Variants in PRKAB1 observed in about 807,000 individuals in gnomAD.
The protein encoded by PRKAB1 is 5'-AMP-activated protein kinase subunit beta-1.
A neutral mutation model predicts 32.0 loss-of-function variants in PRKAB1; 18 were observed. The ratio of observed to expected loss-of-function variants is 0.56; its 90% CI spans 0.39 to 0.83. The LOEUF is 0.83. Among genes scored for constraint, PRKAB1 ranks in the 40% least tolerant of loss-of-function variants. The pLI, the probability that PRKAB1 is intolerant of heterozygous loss-of-function variation, is 0.00. For missense variants in PRKAB1, 263 were observed against 352.6 expected, an observed-to-expected ratio of 0.75 and a Z score of 2.03; for synonymous variants, 141 against 141.4, an observed-to-expected ratio of 1.00 and a Z score of 0.02.
chr12:119,676,172 T>C (rs1955422553), intron 4 of PRKAB1, among the ~76,000 whole-genome samples: 1 of 152,166 alleles, frequency 6.6e-6, no homozygotes, highest in African/African-American at 2.4e-5. Context: ...TCACTTAGCC[T>C]CCAGCTTCTT....
Position 119,674,088 on chromosome 12 carries a change from G to T in PRKAB1, c.417+31G>T. On this transcript the variant is annotated intron_variant, in intron 3 of 6. Transcript: ENST00000229328. The surrounding 1 kb of genome is among the most constrained non-coding windows in gnomAD (Gnocchi z 4.3). Reference sequence around the variant, plus strand: ...CTTCCTCCCACCTCTGGTCCTCTGGGTGCCCGCACATTCCAAACAAATCAC... The same window carrying T: ...CTTCCTCCCACCTCTGGTCCTCTGGTTGCCCGCACATTCCAAACAAATCAC... The T allele has an allele frequency of 6.3e-7, 1 of 1,585,244 alleles. No homozygotes were observed.
chr12:119,672,614 T>C, intron 2 of PRKAB1, 150 bp downstream of exon 2: 1 of 814,372 alleles, frequency 1.2e-6, no homozygotes, highest in East Asian at 3.1e-5. Flanking sequence ...AAGGTTCAAA[T>C]GTTAAACCTT....
Position 119,674,259 on chromosome 12 carries a change from C to A in PRKAB1, c.418-81C>A. 8.1e-7 allele frequency: 1 copy of A among 1,238,254 alleles called. No homozygotes were observed. Among genetic ancestry groups the A allele is most frequent in the Non-Finnish European group, 1.2e-6 (1 of 860,848 alleles). The allele number at this position is 1,238,254 out of a possible 1,614,324, so 76.7% of individuals were successfully genotyped here. A position where few individuals can be genotyped will look rare whatever the true frequency, so the allele number is the denominator to read the frequency against. ...TGGCTAGCCAGGAGATGAGGCCTTC[C>A]AGCCAGGAATTCCAAGTCCTCTGAA... On this transcript the variant is annotated intron_variant, in intron 3 of 6. Coordinates refer to ENST00000229328, the MANE Select transcript of PRKAB1 (RefSeq NM_006253.5). The surrounding 1 kb of genome is among the most constrained non-coding windows in gnomAD (Gnocchi z 4.3).
Position 119,674,316 on chromosome 12 carries a change from T to C in PRKAB1, c.418-24T>C, listed in dbSNP as rs754320368. The C allele has an allele frequency of 9.1e-6, 14 of 1,546,906 alleles. No individual in the cohort carries two copies. The highest frequency in any genetic ancestry group is 1.4e-5 in the African/African-American group (1 of 73,412). On this transcript the variant is annotated intron_variant, in intron 3 of 6. Transcript: ENST00000229328. This position sits in a 1 kb window ranked among gnomAD's most constrained non-coding sequence, Gnocchi z 4.3. ...CTCCGCAGACCTTCCACGTTATGATTTCTGCCTATCTGTCTCTTCCCAGCC... is the reference window on the plus strand; with the variant it reads ...CTCCGCAGACCTTCCACGTTATGATCTCTGCCTATCTGTCTCTTCCCAGCC...
At chr12:119,671,823 A>G (rs1322052256) in intron 1 of PRKAB1, among the ~76,000 whole-genome samples, 1 of 152,224 alleles carries the variant, frequency 6.6e-6, no homozygotes, top group Non-Finnish European at 1.5e-5. Context: ...GTGTACTTAA[A>G]TGTATCTAAA....
chr12:119,668,075 C>G, upstream of PRKAB1: 1 of 815,116 alleles, frequency 1.2e-6, no homozygotes, highest in African/African-American at 1.8e-5. Flanking sequence ...GCTCGGCAAC[C>G]CTGCCGACTC....
chr12:119,672,489 T>C, intron 2 of PRKAB1, 25 bp downstream of exon 2: 1 of 1,487,272 alleles, frequency 6.7e-7, no homozygotes, highest in South Asian at 1.4e-5. Context: ...AGTGTTCACA[T>C]ATTTGTCTTA....
chr12:119,679,817 A>G lies in PRKAB1; in HGVS notation c.667-116A>G. The G allele has an allele frequency of 9.0e-7, 1 of 1,115,130 alleles. No individual in the cohort carries two copies. Among genetic ancestry groups the G allele is most frequent in the Non-Finnish European group, 1.4e-6 (1 of 735,758 alleles). 69.1% of individuals were successfully genotyped at this position (1,115,130 alleles called of 1,614,324 possible). A position where few individuals can be genotyped will look rare whatever the true frequency, so the allele number is the denominator to read the frequency against. ...AGCCCTTGCGCTGCCTGATTTGGGA[A>G]GAGAGGTCGGCCTGAGCGCTGCCTC... On this transcript the variant is annotated intron_variant, in intron 5 of 6. Transcript: ENST00000229328. This position sits in a 1 kb window ranked among gnomAD's most constrained non-coding sequence, Gnocchi z 4.1.
rs894985967 is a variant in PRKAB1 at position 119,679,444 on chromosome 12, G to T, written c.667-489G>T. ...CTCTTAAAACATAGGAAGGTGCGGC[G>T]GGCAGCTCTGAGTGCCAGCCCGGTG... is the stretch of plus-strand genomic sequence containing the variant. On this transcript the variant is annotated intron_variant, in intron 5 of 6. Transcript: ENST00000229328. The surrounding 1 kb of genome is among the most constrained non-coding windows in gnomAD (Gnocchi z 4.1). 2.4e-5 allele frequency: 4 copies of T among 166,914 alleles called. No individual in the cohort carries two copies. Among genetic ancestry groups the T allele is most frequent in the Non-Finnish European group, 3.9e-5 (3 of 76,916 alleles). 10.3% of individuals were successfully genotyped at this position (166,914 alleles called of 1,614,324 possible).
In PRKAB1 at chr12:119,675,827, G is replaced by A. The variant is rs189085984; in HGVS notation, c.533-710G>A. Among the ~76,000 whole-genome samples the A allele has an allele frequency of 1.2e-4, 18 of 152,276 alleles. No homozygotes were observed. In the South Asian group the frequency reaches 2.3e-3, roughly 19 times the overall value. ...CCCTGGACCAGTCCCAGGATCTGGC[G>A]ACCAGAACCATCCCACGCGTTCTTT... On this transcript the variant is annotated intron_variant, in intron 4 of 6. Transcript: ENST00000229328.
Position 119,668,223 on chromosome 12 carries a change from T to C in PRKAB1, c.-22T>C, listed in dbSNP as rs1308941710. On this transcript the variant is annotated 5_prime_UTR_variant, in exon 1 of 7. Transcript: ENST00000229328. ...GCAGTGAGGCGCCGTCCGCCTTCCC[T>C]GTGTCCCCGCAGACCCCCATCATGG... 2.6e-6 allele frequency: 4 copies of C among 1,552,300 alleles called. No individual in the cohort carries two copies. Among genetic ancestry groups the C allele is most frequent in the Non-Finnish European group, 3.5e-6 (4 of 1,156,110 alleles).
chr12:119,676,592 C>T lies in PRKAB1; in HGVS notation c.588C>T (p.Pro196=), dbSNP rs759532101. The T allele has an allele frequency of 4.3e-6, 7 of 1,613,884 alleles. No individual in the cohort carries two copies. Among genetic ancestry groups the T allele is most frequent in the Admixed American group, 3.3e-5 (2 of 60,026 alleles). ...PYHQEPYVCK[P]EERFRAPPIL... is the part of the protein sequence containing the mutation. ...ATCAGGAGCCCTACGTCTGCAAACC[C>T]GAAGAGCGCTTTCGGGCACCCCCTA... Residue 196 remains proline (P), a synonymous_variant, in exon 5 of 7, where the codon CCC becomes CCT. Transcript: ENST00000229328.
intron 1 of PRKAB1, among the ~76,000 whole-genome samples, chr12:119,671,836 T>C (rs1444851579): frequency 6.6e-6 from 1 of 152,150 alleles, no homozygotes; most frequent in Non-Finnish European, 1.5e-5. Flanking sequence ...TATCTAAACA[T>C]AGAAAAGATA....
upstream of PRKAB1, chr12:119,668,016 T>G (rs1197681734): frequency 9.5e-6 from 5 of 527,894 alleles, no homozygotes; most frequent in African/African-American, 1.0e-4. Context: ...TTCGCGCCCC[T>G]TGCGTTCTTG....
intron 1 of PRKAB1, 39 bp downstream of exon 1, chr12:119,668,442 A>G: frequency 3.1e-6 from 5 of 1,604,218 alleles, no homozygotes; most frequent in South Asian, 1.1e-5. Flanking sequence ...CCCTTGACTA[A>G]TGTTGAGGAG....
Position 119,679,108 on chromosome 12 carries a change from T to C in PRKAB1, c.667-825T>C, listed in dbSNP as rs1423066656. The C allele has an allele frequency of 6.6e-6, 1 of 152,234 alleles. No homozygotes were observed. Among genetic ancestry groups the C allele is most frequent in the Non-Finnish European group, 1.5e-5 (1 of 68,046 alleles). 9.4% of individuals were successfully genotyped at this position (152,234 alleles called of 1,614,324 possible). On this transcript the variant is annotated intron_variant, in intron 5 of 6. Transcript: ENST00000229328. The surrounding 1 kb of genome is among the most constrained non-coding windows in gnomAD (Gnocchi z 4.1). The stretch of plus-strand genomic sequence containing the variant: ...AACAACATATTGTACATGGTAAATA[T>C]ACATAATTTTATCTGTCAATCTTTG...
At position 119,679,428 on chromosome 12, in the gene PRKAB1, C is replaced by T. The variant is rs1593333266; in HGVS notation, c.667-505C>T. ...TCCCGATTTCTGGCTTCTCTTAAAA[C>T]ATAGGAAGGTGCGGCGGGCAGCTCT... On this transcript the variant is annotated intron_variant, in intron 5 of 6. Transcript: ENST00000229328. This position sits in a 1 kb window ranked among gnomAD's most constrained non-coding sequence, Gnocchi z 4.1. 4 of 161,428 alleles carry T rather than the reference C, an allele frequency of 2.5e-5. No individual in the cohort carries two copies. The East Asian group carries it at 5.4e-4, about 22-fold the overall frequency. The allele number at this position is 161,428 out of a possible 1,614,324, so 10.0% of individuals were successfully genotyped here.
At chr12:119,678,029 GC>G (rs1417558874) in intron 5 of PRKAB1, 2 of 152,334 alleles carry the variant, frequency 1.3e-5, no homozygotes, top group African/African-American at 4.8e-5. Flanking sequence ...CTCCCAAAGT[GC>G]CGGGATTACA....
At chr12:119,670,440 C>T (rs1955378976) in intron 1 of PRKAB1, among the ~76,000 whole-genome samples, 1 of 152,128 alleles carries the variant, frequency 6.6e-6, no homozygotes, top group Admixed American at 6.5e-5. Context: ...GGCCCTACAA[C>T]CTGTGGTTTG....
Sources: gnomAD v4.1 joint callset for allele counts (sites outside exome capture counted in the v4.1 genomes callset) on GRCh38, gnomAD v4.1.1 for gene constraint, Gnocchi (gnomAD v3.1) non-coding constraint, MANE v1.5 for transcripts, NCBI Gene and HGNC (gene_info 2026-07-23, HGNC 2026-07-21) for gene names.